DNAJB6: variants seen among roughly 807,000 people sequenced by gnomAD.
DNAJB6 encodes DnaJ heat shock protein family (Hsp40) member B6.
In DNAJB6, 16 loss-of-function variants were observed where a neutral mutation model predicts 42.7. The ratio of observed to expected loss-of-function variants is 0.37; its 90% CI spans 0.25 to 0.57. DNAJB6 has a LOEUF of 0.57. DNAJB6 is among the 20% of genes least tolerant of loss of function. The pLI is 0.74. For missense variants in DNAJB6, 347 were observed against 416.8 expected (o/e 0.83, Z 1.46); for synonymous variants, 170 against 163.5 (o/e 1.04, Z -0.30).
chr7:157,402,653 C>A (rs1054484952), intron 8 of DNAJB6, among the ~76,000 whole-genome samples: 1 of 152,184 alleles, frequency 6.6e-6, no homozygotes, highest in African/African-American at 2.4e-5. Flanking sequence ...GGAGAAGTAG[C>A]GATGTGTCTT....
intron 8 of DNAJB6, among the ~76,000 whole-genome samples, chr7:157,391,717 A>G (rs1226452977): frequency 6.6e-6 from 1 of 152,226 alleles, no homozygotes; most frequent in Admixed American, 6.5e-5. Context: ...TATTTAAGGT[A>G]TTTGTGTAGA....
chr7:157,408,411 C>T (rs951411126), intron 8 of DNAJB6, among the ~76,000 whole-genome samples: 2 of 152,234 alleles, frequency 1.3e-5, no homozygotes, highest in Non-Finnish European at 2.9e-5. Context: ...CTGTGGGCGC[C>T]GTGCTGTGGC....
intron 8 of DNAJB6, among the ~76,000 whole-genome samples, chr7:157,401,340 C>T (rs767220576): frequency 6.6e-6 from 1 of 152,130 alleles, no homozygotes; most frequent in Admixed American, 6.5e-5. Flanking sequence ...CTCAGCCTCC[C>T]GAGTAGCTGG....
At chr7:157,349,668 G>A (rs540720257) in intron 1 of DNAJB6, among the ~76,000 whole-genome samples, 2 of 151,890 alleles carry the variant, frequency 1.3e-5, no homozygotes, top group African/African-American at 4.8e-5. Flanking sequence ...TTTTTGAGAC[G>A]GAGTCTCACT....
intron 8 of DNAJB6, among the ~76,000 whole-genome samples, chr7:157,391,544 T>C (rs1402312517): frequency 6.6e-6 from 1 of 152,194 alleles, no homozygotes; most frequent in African/African-American, 2.4e-5. Context: ...GAAAGACAAG[T>C]TTCCCTCAGT....
intron 2 of DNAJB6, among the ~76,000 whole-genome samples, chr7:157,360,429 G>A (rs1240616092): frequency 1.3e-5 from 2 of 152,184 alleles, no homozygotes; most frequent in South Asian, 4.1e-4. Context: ...GACATAGCCA[G>A]CCCTTATCAA....
intron 1 of DNAJB6, among the ~76,000 whole-genome samples, chr7:157,356,088 C>T (rs1300231221): frequency 6.6e-6 from 1 of 152,202 alleles, no homozygotes; most frequent in Non-Finnish European, 1.5e-5. Flanking sequence ...TGAATGGCCT[C>T]TTGCTATATA....
intron 1 of DNAJB6, among the ~76,000 whole-genome samples, chr7:157,348,175 C>T (rs1484546771): frequency 6.6e-6 from 1 of 151,646 alleles, no homozygotes; most frequent in Non-Finnish European, 1.5e-5. Context: ...TCACTGTGAC[C>T]TCTGCCTCCC....
chr7:157,367,205 ACT>A (rs780562904), intron 4 of DNAJB6, among the ~76,000 whole-genome samples, 166 bp from the exon 5 acceptor site: 6 of 152,190 alleles, frequency 3.9e-5, no homozygotes, highest in Admixed American at 1.3e-4. Flanking sequence ...GGGCACACTC[ACT>A]CTCTGTCAGT....
At chr7:157,340,498 C>A (rs1048924889) in intron 1 of DNAJB6, among the ~76,000 whole-genome samples, 1 of 151,456 alleles carries the variant, frequency 6.6e-6, no homozygotes. Flanking sequence ...AAAACGACAA[C>A]GCCTACCTGC....
At chr7:157,370,254 T>G (rs1316638010) in intron 5 of DNAJB6, among the ~76,000 whole-genome samples, 1 of 150,984 alleles carries the variant, frequency 6.6e-6, no homozygotes, top group Non-Finnish European at 1.5e-5. Flanking sequence ...TTTCTTAACA[T>G]TATTATTAAA....
chr7:157,410,998 G>A (rs1563154718), intron 9 of DNAJB6: 1 of 149,950 alleles, frequency 6.7e-6, no homozygotes, highest in African/African-American at 2.5e-5. Context: ...AGAGCCTCAG[G>A]ATGTGCCGCC....
chr7:157,404,514 TTC>T (rs1185432945), intron 8 of DNAJB6, among the ~76,000 whole-genome samples: 4 of 144,298 alleles, frequency 2.8e-5, no homozygotes, highest in African/African-American at 8.4e-5. Context: ...CTTTTTTCTT[TTC>T]TTTTTTTTTT....
At chr7:157,414,162 C>T (rs1410165353) in intron 9 of DNAJB6, 1 of 152,346 alleles carries the variant, frequency 6.6e-6, no homozygotes, top group East Asian at 1.9e-4. Flanking sequence ...CTCATAAAGG[C>T]CCAGTGGCAG....
intron 2 of DNAJB6, among the ~76,000 whole-genome samples, chr7:157,361,768 TCATTCATG>T (rs1010638753): frequency 2.7e-5 from 4 of 150,528 alleles, no homozygotes; most frequent in African/African-American, 7.3e-5. Flanking sequence ...ATTCATTCAT[TCATTCATG>T]CATTCATGTT....
In DNAJB6 at chr7:157,366,233, G is replaced by A. The variant is rs570963377; in HGVS notation, c.176-269G>A. On this transcript the variant is annotated intron_variant, in intron 3 of 9. Coordinates refer to ENST00000262177, the MANE Select transcript of DNAJB6 (RefSeq NM_058246.4). ...CCCAAAGTGGTGGGATTACAGGTGT[G>A]AGCCACCATGCCTGGCCGTAAATAC... Among the ~76,000 whole-genome samples, 7 of 152,332 alleles carry A rather than the reference G, an allele frequency of 4.6e-5. No individual in the cohort carries two copies. In the East Asian group the frequency reaches 1.3e-3, roughly 29 times the overall value.
chr7:157,365,958 G>C (rs115577029), intron 3 of DNAJB6, among the ~76,000 whole-genome samples: 30 of 115,040 alleles, frequency 2.6e-4, no homozygotes, highest in Non-Finnish European at 4.2e-4. Context: ...GCTACCTCGC[G>C]TGGCTAAGTC....
intron 8 of DNAJB6, chr7:157,386,320 C>G: frequency 1.0e-6 from 1 of 984,360 alleles, no homozygotes; most frequent in Non-Finnish European, 1.2e-6. Flanking sequence ...TGAGTGGGAT[C>G]TGGAGCTTTT....
chr7:157,385,752 A>G, intron 8 of DNAJB6, 141 bp downstream of exon 8: 1 of 1,472,572 alleles, frequency 6.8e-7, no homozygotes, highest in Non-Finnish European at 9.1e-7. Context: ...TTTCAGTATA[A>G]TTGTACCTAA....
Sources: allele counts gnomAD v4.1 joint callset (sites outside exome capture counted in the v4.1 genomes callset), GRCh38; gene constraint gnomAD v4.1.1; transcripts MANE v1.5; gene names NCBI Gene and HGNC (gene_info 2026-07-23, HGNC 2026-07-21).